Variants in ZKSCAN5 observed in about 807,000 individuals in gnomAD.
The protein encoded by ZKSCAN5 is zinc finger with KRAB and SCAN domains 5.
Under a neutral mutation model 60.0 loss-of-function variants are expected in ZKSCAN5, and 28 were observed. That is an observed-to-expected ratio of 0.47 (90% CI 0.35 to 0.64). ZKSCAN5 has a LOEUF of 0.64. Among genes scored for constraint, ZKSCAN5 ranks in the 30% least tolerant of loss-of-function variants. The pLI is 0.01. For missense variants in ZKSCAN5, 881 were observed against 1,034.6 expected, an observed-to-expected ratio of 0.85 and a Z score of 2.04; for synonymous variants, 361 against 371.2, an observed-to-expected ratio of 0.97 and a Z score of 0.31.
In ZKSCAN5 at chr7:99,506,004, G is replaced by C. The variant is rs376368350; in HGVS notation, c.-40-1G>C. ...AAAGAGCAGAAAAACAATTGTTTCAGTGTAACACAGCCAGCCTCGAAGACT... is the reference window on the plus strand; with the variant it reads ...AAAGAGCAGAAAAACAATTGTTTCACTGTAACACAGCCAGCCTCGAAGACT... On this transcript the variant is annotated splice_acceptor_variant, in intron 1 of 6. Transcript: ENST00000326775. LOFTEE classifies it low-confidence loss of function (5UTR_SPLICE). 6.3e-7 allele frequency: 1 copy of C among 1,595,414 alleles called. No individual in the cohort carries two copies. The highest frequency in any genetic ancestry group is 1.1e-5 in the South Asian group (1 of 89,670).
At position 99,526,189 on chromosome 7, in the gene ZKSCAN5, C is replaced by T; in HGVS notation, c.1149C>T (p.Tyr383=). 2 of 1,614,196 alleles carry T rather than the reference C, an allele frequency of 1.2e-6. No homozygotes were observed. The highest frequency in any genetic ancestry group is 4.5e-5 in the East Asian group (2 of 44,880). Reference sequence around the variant, plus strand: ...AGTGCGGAGAATGTGGGAAGAGCTACAATCAGCGGGTGCACCTCACCCAGC... The same window carrying T: ...AGTGCGGAGAATGTGGGAAGAGCTATAATCAGCGGGTGCACCTCACCCAGC... The part of the protein sequence containing the change: ...PFKCGECGKS[Y]NQRVHLTQHQ... Residue 383 remains tyrosine (Y), a synonymous_variant, in exon 6 of 7, where the codon TAC becomes TAT. Coordinates refer to ENST00000326775, the MANE Select transcript of ZKSCAN5 (RefSeq NM_145102.4).
Position 99,533,039 on chromosome 7 carries a change from G to T in ZKSCAN5, c.*790G>T. On this transcript the variant is annotated 3_prime_UTR_variant, in exon 7 of 7. Transcript: ENST00000326775. ...GACCTTAGGGGAGCAGAGAAGACAGGCAAAGTTGTGGACTGTTTGATCTTG... is the reference window on the plus strand; with the variant it reads ...GACCTTAGGGGAGCAGAGAAGACAGTCAAAGTTGTGGACTGTTTGATCTTG... The T allele has an allele frequency of 4.3e-6, 1 of 231,046 alleles. No homozygotes were observed. The highest frequency in any genetic ancestry group is 5.4e-5 in the South Asian group (1 of 18,582). 14.3% of individuals were successfully genotyped at this position (231,046 alleles called of 1,614,324 possible).
At position 99,531,447 on chromosome 7, in the gene ZKSCAN5, G is replaced by C; in HGVS notation, c.1718G>C (p.Gly573Ala). Residue 573 changes from glycine to alanine, a missense_variant, in exon 7 of 7, where the codon GGG becomes GCG. This residue lies in a region of ZKSCAN5 where 490 missense variants were observed against 554.5 expected (regional missense o/e 0.88). Coordinates refer to ENST00000326775, the MANE Select transcript of ZKSCAN5 (RefSeq NM_145102.4). ...HLIQHQRIHT[G>A]EKPFRCEECG... is the part of the protein sequence containing the mutation. ...ATTCAACATCAAAGAATACACACTG[G>C]GGAGAAACCATTCAGGTGTGAGGAA... The C allele has an allele frequency of 6.2e-7, 1 of 1,614,168 alleles. No individual in the cohort carries two copies. Among genetic ancestry groups the C allele is most frequent in the Non-Finnish European group, 8.5e-7 (1 of 1,180,040 alleles).
chr7:99,505,960 G>A (rs1800702150), intron 1 of ZKSCAN5, 45 bp from the exon 2 acceptor site: 3 of 1,494,994 alleles, frequency 2.0e-6, no homozygotes, highest in South Asian at 1.3e-5. Flanking sequence ...GCTACTGAAA[G>A]TGTCCTTCAG....
At chr7:99,510,831 C>T (rs117154268) in intron 2 of ZKSCAN5, among the ~76,000 whole-genome samples, 4 of 152,036 alleles carry the variant, frequency 2.6e-5, no homozygotes, top group East Asian at 3.9e-4. Flanking sequence ...CTCTCCGCCT[C>T]CCAGGCTCAA....
chr7:99,524,539 A>G (rs1037122586), intron 5 of ZKSCAN5, among the ~76,000 whole-genome samples: 2 of 152,128 alleles, frequency 1.3e-5, no homozygotes, highest in Non-Finnish European at 2.9e-5. Flanking sequence ...TAACTACTGA[A>G]GATTTGTCTC....
Position 99,508,426 on chromosome 7 carries a change from T to C in ZKSCAN5, c.414+1968T>C, listed in dbSNP as rs1800865228. On this transcript the variant is annotated intron_variant, in intron 2 of 6. Transcript: ENST00000326775. ...TTGTGGCCATAGCCTGGTAGAACAA[T>C]GTTATCAAAATTGGTCATGATTGCC... is the stretch of plus-strand genomic sequence containing the variant. 3.3e-5 allele frequency among the ~76,000 whole-genome samples: 5 copies of C among 151,612 alleles called. No individual in the cohort carries two copies. The South Asian group carries it at 6.2e-4, about 19-fold the overall frequency.
chr7:99,520,425 AT>A, intron 5 of ZKSCAN5, 121 bp downstream of exon 5: 1 of 1,174,766 alleles, frequency 8.5e-7, no homozygotes, highest in Non-Finnish European at 1.2e-6. Context: ...GCTTTTTTTT[AT>A]TTTTTGTAAA....
Position 99,532,341 on chromosome 7 carries a change from C to A in ZKSCAN5, c.*92C>A. On this transcript the variant is annotated 3_prime_UTR_variant, in exon 7 of 7. Coordinates refer to ENST00000326775, the MANE Select transcript of ZKSCAN5 (RefSeq NM_145102.4). Reference sequence around the variant, plus strand: ...AACTTCAAGCATTTTTCCAGCGTTACCATCAAACTCACAAATAGGTTGAAA... The same window carrying A: ...AACTTCAAGCATTTTTCCAGCGTTAACATCAAACTCACAAATAGGTTGAAA... 8.0e-7 allele frequency: 1 copy of A among 1,247,982 alleles called. No homozygotes were observed. The highest frequency in any genetic ancestry group is 1.1e-6 in the Non-Finnish European group (1 of 916,158). 77.3% of individuals were successfully genotyped at this position (1,247,982 alleles called of 1,614,324 possible).
chr7:99,532,102 T>C lies in ZKSCAN5; in HGVS notation c.2373T>C (p.His791=). 6.2e-7 allele frequency: 1 copy of C among 1,614,198 alleles called. No individual in the cohort carries two copies. The highest frequency in any genetic ancestry group is 8.5e-7 in the Non-Finnish European group (1 of 1,180,050). ...GFTLKSHLNQ[H]QRIHTGEKPF... ...CTCTGAAGTCACATCTTAATCAACA[T>C]CAGAGAATCCATACTGGTGAGAAAC... Residue 791 remains histidine (H), a synonymous_variant, in exon 7 of 7, where the codon CAT becomes CAC. Transcript: ENST00000326775.
Position 99,525,860 on chromosome 7 carries a change from G to A in ZKSCAN5, c.820G>A (p.Asp274Asn). 6.2e-7 allele frequency: 1 copy of A among 1,613,912 alleles called. No homozygotes were observed. The highest frequency in any genetic ancestry group is 8.5e-7 in the Non-Finnish European group (1 of 1,179,918). ...GGAGCTCATAGTGAAGCAGATTTCT[G>A]ATGACTCTGAATCACACTGGGTGGC... ...NMELIVKQIS[D>N]DSESHWVAPE... The change falls in exon 6 of 7, where the codon GAT (aspartate) becomes AAT (asparagine). Residue 274 changes from aspartate to asparagine, a missense_variant. Physicochemically the swap from Asp to Asn is conservative, Grantham distance 23 (BLOSUM62 1). Coordinates refer to ENST00000326775, the MANE Select transcript of ZKSCAN5 (RefSeq NM_145102.4).
At chr7:99,507,745 C>A (rs1028011266) in intron 2 of ZKSCAN5, among the ~76,000 whole-genome samples, 22 of 151,132 alleles carry the variant, frequency 1.5e-4, no homozygotes, top group South Asian at 4.2e-4. Flanking sequence ...ACCAGAAAAA[C>A]CAAACAAAAA....
In ZKSCAN5 at chr7:99,504,674, C is replaced by G. The variant is rs1413425102; in HGVS notation, c.-100C>G. 1 of 152,272 alleles carries G rather than the reference C, an allele frequency of 6.6e-6. No homozygotes were observed. Among genetic ancestry groups the G allele is most frequent in the Non-Finnish European group, 1.5e-5 (1 of 68,080 alleles). The allele number at this position is 152,272 out of a possible 1,614,324, so 9.4% of individuals were successfully genotyped here. A position where few individuals can be genotyped will look rare whatever the true frequency, so the allele number is the denominator to read the frequency against. ...TAGTTCCGGGAACAGCTGGCCCCTGCGACTCGCGGGTGTGACGTTGAAGAT... is the reference window on the plus strand; with the variant it reads ...TAGTTCCGGGAACAGCTGGCCCCTGGGACTCGCGGGTGTGACGTTGAAGAT... On this transcript the variant is annotated 5_prime_UTR_variant, in exon 1 of 7. Transcript: ENST00000326775.
intron 2 of ZKSCAN5, 91 bp downstream of exon 2, chr7:99,506,549 T>C: frequency 7.0e-7 from 1 of 1,431,216 alleles, no homozygotes; most frequent in Non-Finnish European, 9.3e-7. Context: ...TGCTGCTTCA[T>C]TCATATTCTT....
At chr7:99,506,499 G>C in intron 2 of ZKSCAN5, 41 bp downstream of exon 2, 21 of 1,538,180 alleles carry the variant, frequency 1.4e-5, no homozygotes, top group Non-Finnish European at 1.7e-5. Context: ...AAGGAGAGGA[G>C]TGAACCATCT....
Position 99,526,148 on chromosome 7 carries a change from G to A in ZKSCAN5, c.1108G>A (p.Gly370Arg), listed in dbSNP as rs1459468960. The A allele has an allele frequency of 1.2e-6, 2 of 1,614,058 alleles. No homozygotes were observed. Among genetic ancestry groups the A allele is most frequent in the Non-Finnish European group, 1.7e-6 (2 of 1,180,042 alleles). ...TATTCAGCATCGGCGCATCCACACTGGAGAAAAACCGTTTAAGTGCGGAGA... is the reference window on the plus strand; with the variant it reads ...TATTCAGCATCGGCGCATCCACACTAGAGAAAAACCGTTTAAGTGCGGAGA... ...NFIQHRRIHT[G>R]EKPFKCGECG... is the part of the protein sequence containing the mutation. Residue 370 changes from glycine (G) to arginine (R), a missense_variant, in exon 6 of 7, where the codon GGA (glycine) becomes AGA (arginine). By Grantham distance (125) the Gly-to-Arg change is moderately radical. Transcript: ENST00000326775.
At chr7:99,526,441 C>T (rs368348972) in intron 6 of ZKSCAN5, 23 bp downstream of exon 6, 38 of 1,582,492 alleles carry the variant, frequency 2.4e-5, no homozygotes, top group South Asian at 1.1e-4. Flanking sequence ...AGTTTATATC[C>T]GGGGGATAAA....
At chr7:99,509,052 G>A (rs937280885) in intron 2 of ZKSCAN5, among the ~76,000 whole-genome samples, 13 of 151,886 alleles carry the variant, frequency 8.6e-5, no homozygotes, top group Non-Finnish European at 1.8e-4. Context: ...GCAGTGGTGC[G>A]ATCTTGTCTC....
Position 99,531,729 on chromosome 7 carries a change from G to A in ZKSCAN5, c.2000G>A (p.Gly667Glu). 6.2e-7 allele frequency: 1 copy of A among 1,614,154 alleles called. No individual in the cohort carries two copies. Among genetic ancestry groups the A allele is most frequent in the Non-Finnish European group, 8.5e-7 (1 of 1,180,044 alleles). ...REKSHQCREC[G>E]EIFFQYVSLI... ...AAATCCCATCAGTGTCGTGAATGTG[G>A]GGAAATCTTTTTTCAGTACGTTAGC... is the stretch of plus-strand genomic sequence containing the variant. The change falls in exon 7 of 7, where the codon GGG (glycine) becomes GAG (glutamate). Residue 667 changes from glycine to glutamate, a missense_variant. Gly to Glu is a moderately conservative substitution (Grantham distance 98). Around this residue, in one of 5 missense-constraint regions of ZKSCAN5, gnomAD observed 112 missense variants for 182.4 expected, o/e 0.61. Coordinates refer to ENST00000326775, the MANE Select transcript of ZKSCAN5 (RefSeq NM_145102.4).
Sources: gnomAD v4.1 joint callset for allele counts (sites outside exome capture counted in the v4.1 genomes callset) on GRCh38, gnomAD v4.1.1 for gene constraint, gnomAD v4.1.1 regional missense constraint, MANE v1.5 for transcripts, NCBI Gene and HGNC (gene_info 2026-07-23, HGNC 2026-07-21) for gene names.